CHD1L: variants seen among roughly 807,000 people sequenced by gnomAD.
CHD1L encodes ATP-dependent chromatin remodeler CHD1L.
CHD1L carries 118 observed loss-of-function variants against 115.9 expected under a neutral mutation model. That is an observed-to-expected ratio of 1.02 (90% confidence interval 0.88 to 1.19). The LOEUF is 1.19. Ranked by LOEUF, CHD1L falls within the 50% of genes most tolerant of loss-of-function variation. The pLI is 0.00. For synonymous variants in CHD1L, 411 were observed against 387.1 expected (o/e 1.06, Z -0.72); for missense variants, 1,179 against 1,065.3 (o/e 1.11, Z -1.49).
the CHD1L span, among the ~76,000 whole-genome samples, chr1:147,219,063 C>T: frequency 0.14 from 21,902 of 152,042 alleles, 1,545 homozygotes; most frequent in South Asian, 0.18. Flanking sequence ...CTGGTGTGTA[C>T]TGGATGTGCA....
upstream of CHD1L, among the ~76,000 whole-genome samples, chr1:147,240,878 G>A (rs745459542): frequency 1.4e-4 from 21 of 152,098 alleles, no homozygotes; most frequent in African/African-American, 3.4e-4. Context: ...AGAAATGCCC[G>A]ATAATGATCA....
the CHD1L span, chr1:147,224,771 A>T: frequency 1.3e-4 from 108 of 850,726 alleles, no homozygotes; most frequent in African/African-American, 1.5e-3. Context: ...CGGCCTCCCA[A>T]AGTGCTAGGA....
intron 1 of CHD1L, among the ~76,000 whole-genome samples, chr1:147,250,759 C>T (rs1453588147): frequency 6.6e-6 from 1 of 151,786 alleles, no homozygotes; most frequent in Non-Finnish European, 1.5e-5. Context: ...ATAAAAGTTT[C>T]CTGTCTTGCT....
intron 6 of CHD1L, among the ~76,000 whole-genome samples, chr1:147,262,730 G>GC (rs1416643348): frequency 2.2e-4 from 2 of 8,958 alleles, no homozygotes; most frequent in Admixed American, 1.9e-3. Context: ...AAGGGAGATG[G>GC]CAAAAAAAAA....
the CHD1L span, chr1:147,201,303 T>A: frequency 3.7e-5 from 60 of 1,614,200 alleles, no homozygotes; most frequent in Non-Finnish European, 5.0e-5. Context: ...TTTTGACCAC[T>A]TTGACGGAAT....
chr1:147,188,862 T>G, the CHD1L span, among the ~76,000 whole-genome samples: 1 of 151,306 alleles, frequency 6.6e-6, no homozygotes, highest in African/African-American at 2.4e-5. Flanking sequence ...AGGAGGAAAG[T>G]TAAAATAAGA....
At position 147,286,471 on chromosome 1, in the gene CHD1L, C is replaced by T; in HGVS notation, c.2192C>T (p.Ala731Val). 6.2e-7 allele frequency: 1 copy of T among 1,613,870 alleles called. No individual in the cohort carries two copies. Among genetic ancestry groups the T allele is most frequent in the East Asian group, 2.2e-5 (1 of 44,860 alleles). The change falls in exon 18 of 23, where the codon GCC becomes GTC. Residue 731 changes from alanine to valine, a missense_variant. Physicochemically the swap from Ala to Val is moderately conservative, Grantham distance 64. Transcript: ENST00000369258. The stretch of plus-strand genomic sequence containing the variant: ...GATGTCACCCACCCTCAGGCTGGGG[C>T]CGAGGATGCTCTCATTGTGCACTGC... ...SGDVTHPQAG[A>V]EDALIVHCVD...
rs111735381 is a variant in CHD1L at position 147,280,248 on chromosome 1, G to A, written c.1705+57G>A. ...ACAACCACCCCAAGCTAGAGCTCAC[G>A]TCCCCATGGAAAGTTTTGGATGCTG... is the stretch of plus-strand genomic sequence containing the variant. On this transcript the variant is annotated intron_variant, in intron 15 of 22. Transcript: ENST00000369258. The A allele has an allele frequency of 1.7e-5, 25 of 1,493,258 alleles. No homozygotes were observed. The African/African-American group carries it at 2.0e-4, about 12-fold the overall frequency. 92.5% of individuals were successfully genotyped at this position (1,493,258 alleles called of 1,614,324 possible). A position where few individuals can be genotyped will look rare whatever the true frequency, so the allele number is the denominator to read the frequency against.
the CHD1L span, among the ~76,000 whole-genome samples, chr1:147,229,693 G>A: frequency 3.4e-4 from 51 of 152,054 alleles, no homozygotes; most frequent in Admixed American, 9.2e-4. Flanking sequence ...ATTGAGCAGT[G>A]GTTTGTAGTT....
In CHD1L at chr1:147,276,361, A is replaced by G. The variant is rs1553957994; in HGVS notation, c.1539+104A>G. The G allele has an allele frequency of 4.9e-6, 6 of 1,232,416 alleles. No individual in the cohort carries two copies. The African/African-American group carries it at 9.0e-5, about 19-fold the overall frequency. The allele number at this position is 1,232,416 out of a possible 1,614,324, so 76.3% of individuals were successfully genotyped here. ...GCACTCACCCTCTCCCCAGCTACAC[A>G]TTTGTTCCTTGGCCTCCCTCACACC... On this transcript the variant is annotated intron_variant, in intron 14 of 22. Coordinates refer to ENST00000369258, the MANE Select transcript of CHD1L (RefSeq NM_004284.6).
At chr1:147,215,901 C>T in the CHD1L span, 14 of 1,612,424 alleles carry the variant, frequency 8.7e-6, no homozygotes, top group Non-Finnish European at 1.2e-5. Context: ...TATTGATGAT[C>T]ACTGATTTGT....
chr1:147,179,264 A>C, the CHD1L span: 3 of 1,611,800 alleles, frequency 1.9e-6, no homozygotes, highest in Non-Finnish European at 2.5e-6. Context: ...GTGGTAGCAG[A>C]GAATTTTGAT....
rs782474187 is a variant in CHD1L at position 147,294,402 on chromosome 1, A to C, written c.2507-7A>C. On this transcript the variant is annotated splice_polypyrimidine_tract_variant and splice_region_variant and intron_variant, in intron 21 of 22. Transcript: ENST00000369258. ...AGTGAAGACATGTGTTCTTCTCTTC[A>C]TAATAGCAAGTGTTCATCTTCCACG... 1.9e-6 allele frequency: 3 copies of C among 1,606,386 alleles called. No individual in the cohort carries two copies. Among genetic ancestry groups the C allele is most frequent in the Non-Finnish European group, 1.7e-6 (2 of 1,175,760 alleles).
the CHD1L span, among the ~76,000 whole-genome samples, chr1:147,232,662 C>T: frequency 1.8e-3 from 279 of 152,288 alleles, 2 homozygotes; most frequent in Middle Eastern, 6.8e-3. Context: ...CCACGCCTGA[C>T]TGGTTTTCGT....
At chr1:147,264,637 C>T (rs1380735621) in intron 7 of CHD1L, 53 bp downstream of exon 7, 1 of 1,568,980 alleles carries the variant, frequency 6.4e-7, no homozygotes, top group African/African-American at 1.4e-5. Flanking sequence ...CAGAAACCAT[C>T]CTCATGCATA....
rs1007184621 is a variant in CHD1L, at chr1:147,256,459, A to C, written c.463-72A>C. 1.3e-5 allele frequency: 18 copies of C among 1,341,986 alleles called. No individual in the cohort carries two copies. In the African/African-American group the frequency reaches 2.5e-4, roughly 18 times the overall value. The allele number at this position is 1,341,986 out of a possible 1,614,324, so 83.1% of individuals were successfully genotyped here. ...TAAATCCTATAGTTTAAGAGAGTTC[A>C]CAGAAAACTAGCTTATCAATATCAG... is the stretch of plus-strand genomic sequence containing the variant. On this transcript the variant is annotated intron_variant, in intron 4 of 22. Transcript: ENST00000369258.
the CHD1L span, chr1:147,178,049 G>C: frequency 3.7e-6 from 3 of 816,586 alleles, no homozygotes; most frequent in Non-Finnish European, 5.5e-6. Context: ...GTGGTCGCGC[G>C]CCCGACCGCC....
At chr1:147,284,538 A>T in intron 16 of CHD1L, 39 bp downstream of exon 16, 1 of 1,469,282 alleles carries the variant, frequency 6.8e-7, no homozygotes, top group Non-Finnish European at 9.0e-7. Context: ...GTTCTTCCAA[A>T]CTCTCATTCT....
the CHD1L span, among the ~76,000 whole-genome samples, chr1:147,180,349 T>C: frequency 0.037 from 5,590 of 152,206 alleles, 147 homozygotes; most frequent in South Asian, 0.094. Flanking sequence ...TGGAGTTCAT[T>C]GGCGCGATCT....
Sources: allele counts gnomAD v4.1 joint callset (sites outside exome capture counted in the v4.1 genomes callset), GRCh38; gene constraint gnomAD v4.1.1; transcripts MANE v1.5; gene names NCBI Gene and HGNC (gene_info 2026-07-23, HGNC 2026-07-21).